Variants in MYO18A observed in about 807,000 individuals in gnomAD.
The protein encoded by MYO18A is unconventional myosin-XVIIIa.
MYO18A carries 78 observed loss-of-function variants against 235.8 expected under a neutral mutation model. The observed-to-expected ratio is 0.33, with a 90% CI of 0.28 to 0.40. MYO18A has a LOEUF of 0.40. Among genes scored for constraint, MYO18A ranks in the 10% least tolerant of loss-of-function variants. MYO18A has a pLI of 1.00. For missense variants in MYO18A, 2,215 were observed against 2,699.3 expected (o/e 0.82, Z 3.98); for synonymous variants, 977 against 1,077.8 (o/e 0.91, Z 1.83).
At chr17:29,141,953 GT>G (rs1002270964) in intron 2 of MYO18A, among the ~76,000 whole-genome samples, 32 of 151,234 alleles carry the variant, frequency 2.1e-4, no homozygotes, top group Non-Finnish European at 3.5e-4. Flanking sequence ...TTTTGTTTTT[GT>G]TTTTTTTTGA....
intron 2 of MYO18A, among the ~76,000 whole-genome samples, chr17:29,156,828 A>G (rs1379732728): frequency 6.6e-6 from 1 of 152,208 alleles, no homozygotes. Context: ...GCCAATGTGT[A>G]GAAGTGTACA....
chr17:29,108,228 G>C (rs1653282690), intron 19 of MYO18A, among the ~76,000 whole-genome samples: 1 of 152,170 alleles, frequency 6.6e-6, no homozygotes, highest in Non-Finnish European at 1.5e-5. Flanking sequence ...GCCTCACCCT[G>C]ACCTTGAGTC....
At chr17:29,164,858 G>A (rs1048067291) in intron 2 of MYO18A, among the ~76,000 whole-genome samples, 3 of 151,948 alleles carry the variant, frequency 2.0e-5, no homozygotes, top group Admixed American at 6.5e-5. Flanking sequence ...CTCTTTTTGC[G>A]CGGGCAGCTG....
chr17:29,166,943 T>TG lies in MYO18A; in HGVS notation c.-4dup, dbSNP rs774393755. The TG allele has an allele frequency of 1.9e-5, 29 of 1,529,938 alleles. No individual in the cohort carries two copies. Among genetic ancestry groups the TG allele is most frequent in the Non-Finnish European group, 2.6e-5 (29 of 1,134,014 alleles). The allele number at this position is 1,529,938 out of a possible 1,614,324, so 94.8% of individuals were successfully genotyped here. A position where few individuals can be genotyped will look rare whatever the true frequency, so the allele number is the denominator to read the frequency against. On this transcript the variant is annotated 5_prime_UTR_variant, in exon 2 of 42. Transcript: ENST00000527372. ...TCTTTCTTCATTAGGTTAAACATGG[T>TG]GGGGGTGCTGTTTGTAGGGGTAGCA...
rs1232776678 is a variant in MYO18A, at chr17:29,073,666, G to A, written c.*1104C>T. ...CACTTGGGCTCCCAAGTCTGGTGGA[G>A]TTCTCAGGGATAACCTTTTTAGGGT... On this transcript the variant is annotated 3_prime_UTR_variant, in exon 42 of 42. Coordinates refer to ENST00000527372, the MANE Select transcript of MYO18A (RefSeq NM_078471.4). The A allele has an allele frequency of 3.2e-6, 2 of 627,980 alleles. No homozygotes were observed. Among genetic ancestry groups the A allele is most frequent in the Non-Finnish European group, 5.4e-6 (2 of 369,220 alleles). 38.9% of individuals were successfully genotyped at this position (627,980 alleles called of 1,614,324 possible). A position where few individuals can be genotyped will look rare whatever the true frequency, so the allele number is the denominator to read the frequency against.
chr17:29,096,878 C>A lies in MYO18A; in HGVS notation c.4268G>T (p.Arg1423Leu). The change falls in exon 28 of 42, where the codon CGG becomes CTG. Residue 1423 changes from arginine (R) to leucine (L), a missense_variant. Physicochemically the swap from Arg to Leu is moderately radical, Grantham distance 102. Transcript: ENST00000527372. ...CTTCTTCTTGAGCTGCTGCAGAGCC[C>A]GCTGACTCTCCTCACTATCTGCCTG... is the stretch of plus-strand genomic sequence containing the variant. ...DLQADSEESQ[R>L]ALQQLKKKCQ... is the part of the protein sequence containing the mutation. 6.3e-7 allele frequency: 1 copy of A among 1,579,452 alleles called. No individual in the cohort carries two copies.
chr17:29,105,944 C>T (rs2066773919), intron 20 of MYO18A, among the ~76,000 whole-genome samples: 1 of 152,102 alleles, frequency 6.6e-6, no homozygotes, highest in Non-Finnish European at 1.5e-5. Flanking sequence ...AGGCCAGGTG[C>T]TGCGGGAGGC....
rs575830425 is a variant in MYO18A at position 29,099,026 on chromosome 17, C to A, written c.3637-57G>T. On this transcript the variant is annotated intron_variant, in intron 22 of 41. Transcript: ENST00000527372. ...GGCTCTCAGTCACCCTGGCCAAGCTCGGCCCAGGATCCTCCCCACCACCAG... is the reference window on the plus strand; with the variant it reads ...GGCTCTCAGTCACCCTGGCCAAGCTAGGCCCAGGATCCTCCCCACCACCAG... The A allele has an allele frequency of 1.6e-5, 25 of 1,602,574 alleles. 1 individual carries two copies. The South Asian group carries it at 2.4e-4, about 16-fold the overall frequency.
chr17:29,154,121 T>TGTGTGTGTGTGTGTGCGCGCGCGCGCGC (rs142430455), intron 2 of MYO18A, among the ~76,000 whole-genome samples: 25 of 149,100 alleles, frequency 1.7e-4, no homozygotes, highest in African/African-American at 6.1e-4. Flanking sequence ...TGTGTGTGTG[T>TGTGTGTGTGTGTGTGCGCGCGCGCGCGC]GCGCGCGCGT....
At chr17:29,100,176 A>G (rs1459238057) in intron 21 of MYO18A, among the ~76,000 whole-genome samples, 2 of 152,220 alleles carry the variant, frequency 1.3e-5, no homozygotes, top group Non-Finnish European at 2.9e-5. Flanking sequence ...AGCCCACTGC[A>G]GGGCCCAACC....
rs1338773986 is a variant in MYO18A, at chr17:29,071,829, T to C, written c.*2941A>G. 1 of 152,190 alleles carries C rather than the reference T, an allele frequency of 6.6e-6. No individual in the cohort carries two copies. Among genetic ancestry groups the C allele is most frequent in the Non-Finnish European group, 1.5e-5 (1 of 68,044 alleles). The allele number at this position is 152,190 out of a possible 1,614,324, so 9.4% of individuals were successfully genotyped here. A position where few individuals can be genotyped will look rare whatever the true frequency, so the allele number is the denominator to read the frequency against. ...CTACCCACTCTAAGCTTATGCATAC[T>C]AGCAGGTGCAGCATGTATTTTGTGT... On this transcript the variant is annotated 3_prime_UTR_variant, in exon 42 of 42. Transcript: ENST00000527372.
chr17:29,113,411 C>T (rs904318757), intron 15 of MYO18A, among the ~76,000 whole-genome samples: 2 of 152,218 alleles, frequency 1.3e-5, no homozygotes, highest in East Asian at 1.9e-4. Context: ...AGTCCCCCAC[C>T]GAGTGCCAAG....
intron 41 of MYO18A, chr17:29,081,001 C>T: frequency 1.0e-6 from 1 of 985,416 alleles, no homozygotes; most frequent in Non-Finnish European, 1.2e-6. Flanking sequence ...CTTAGAGAGG[C>T]TGTTGAGGGC....
At chr17:29,128,614 A>G in intron 2 of MYO18A, 1 of 1,129,216 alleles carries the variant, frequency 8.9e-7, no homozygotes, top group Non-Finnish European at 1.1e-6. Flanking sequence ...TGCAGAGGGA[A>G]TAAGAAGGTG....
intron 2 of MYO18A, among the ~76,000 whole-genome samples, chr17:29,151,806 A>G (rs1447506431): frequency 1.3e-5 from 2 of 152,186 alleles, no homozygotes; most frequent in Non-Finnish European, 2.9e-5. Context: ...GTCCCAACAG[A>G]ATCCTGAACT....
chr17:29,083,558 A>ACACACACACACACACACACG (rs1568038715), intron 40 of MYO18A, among the ~76,000 whole-genome samples: 1 of 151,588 alleles, frequency 6.6e-6, no homozygotes, highest in African/African-American at 2.4e-5. Flanking sequence ...ACACACACAC[A>ACACACACACACACACACACG]CGAAACCAGC....
chr17:29,171,151 A>G (rs1042896617), intron 1 of MYO18A, among the ~76,000 whole-genome samples: 1 of 152,232 alleles, frequency 6.6e-6, no homozygotes, highest in Non-Finnish European at 1.5e-5. Context: ...AATGGTGCAC[A>G]TAAGATTTGT....
intron 2 of MYO18A, among the ~76,000 whole-genome samples, chr17:29,133,255 C>A (rs1014196766): frequency 6.6e-6 from 1 of 152,238 alleles, no homozygotes; most frequent in African/African-American, 2.4e-5. Flanking sequence ...CCTCCCCCAT[C>A]AGAAGGGCTC....
intron 14 of MYO18A, 133 bp downstream of exon 14, chr17:29,114,774 C>T (rs1001234487): frequency 6.7e-5 from 65 of 965,788 alleles, no homozygotes; most frequent in Middle Eastern, 3.0e-4. Flanking sequence ...GGGCAAGGAA[C>T]GACTCCTGCT....
Sources: allele counts gnomAD v4.1 joint callset (sites outside exome capture counted in the v4.1 genomes callset), GRCh38; gene constraint gnomAD v4.1.1; transcripts MANE v1.5; gene names NCBI Gene and HGNC (gene_info 2026-07-23, HGNC 2026-07-21).